Variants in DNAAF9 observed in about 807,000 individuals in gnomAD.
DNAAF9 encodes the protein shulin.
In DNAAF9, 90 loss-of-function variants were observed where a neutral mutation model predicts 167.0. That is an observed-to-expected ratio of 0.54 (90% CI 0.45 to 0.64). The LOEUF (loss-of-function observed/expected upper bound fraction) is 0.64. Ranked by LOEUF, DNAAF9 falls within the 30% of genes least tolerant of loss-of-function variation. The pLI is 0.00. For synonymous variants in DNAAF9, 491 were observed against 508.8 expected (o/e 0.96, Z 0.47); for missense variants, 1,315 against 1,442.2 (o/e 0.91, Z 1.43).
At chr20:3,350,374 T>C (rs963719723) in intron 7 of DNAAF9, among the ~76,000 whole-genome samples, 4 of 152,052 alleles carry the variant, frequency 2.6e-5, no homozygotes, top group African/African-American at 4.8e-5. Flanking sequence ...TTTCTGAGTA[T>C]GTTTTATATA....
intron 26 of DNAAF9, among the ~76,000 whole-genome samples, chr20:3,288,158 G>T (rs1001921419): frequency 1.3e-5 from 2 of 152,206 alleles, no homozygotes; most frequent in African/African-American, 2.4e-5. Context: ...AATCAGAAAT[G>T]GGCAGGGTTG....
chr20:3,259,629 T>A (rs2068345395), intron 32 of DNAAF9, 75 bp from the exon 33 acceptor site: 1 of 1,030,062 alleles, frequency 9.7e-7, no homozygotes, highest in African/African-American at 1.6e-5. Context: ...AGCTGGGAGT[T>A]TTAGGGACTG....
chr20:3,255,926 G>T, intron 34 of DNAAF9, 80 bp downstream of exon 34: 1 of 1,044,338 alleles, frequency 9.6e-7, no homozygotes, highest in Non-Finnish European at 1.4e-6. Flanking sequence ...GGAGGCAGTG[G>T]CGGGGCTTCT....
At chr20:3,400,304 C>T (rs1337946898) in intron 1 of DNAAF9, among the ~76,000 whole-genome samples, 2 of 151,838 alleles carry the variant, frequency 1.3e-5, no homozygotes, top group South Asian at 2.1e-4. Flanking sequence ...GTGGAGAAAC[C>T]GAGAAAATTC....
chr20:3,316,741 G>C lies in DNAAF9; in HGVS notation c.1521C>G (p.Pro507=), dbSNP rs1368712406. The change falls in exon 18 of 37, where the codon CCC becomes CCG. Residue 507 remains proline (P), a synonymous_variant. Coordinates refer to ENST00000252032, the MANE Select transcript of DNAAF9 (RefSeq NM_001009984.3). ...TSSVVLTAAV[P]RFCSWLVEDN... ...CACTAACCAGCCAGGAGCAGAATCT[G>C]GGTACAGCAGCAGTCAGGACTACGG... The C allele has an allele frequency of 6.2e-7, 1 of 1,613,346 alleles. No homozygotes were observed. Among genetic ancestry groups the C allele is most frequent in the Non-Finnish European group, 8.5e-7 (1 of 1,179,470 alleles).
At chr20:3,389,215 G>C (rs910757573) in intron 1 of DNAAF9, among the ~76,000 whole-genome samples, 1 of 151,860 alleles carries the variant, frequency 6.6e-6, no homozygotes, top group African/African-American at 2.4e-5. Flanking sequence ...GCTTGATCAC[G>C]ACTCACTGCA....
At chr20:3,401,177 C>A (rs1291472588) in intron 1 of DNAAF9, among the ~76,000 whole-genome samples, 1 of 152,130 alleles carries the variant, frequency 6.6e-6, no homozygotes, top group Non-Finnish European at 1.5e-5. Flanking sequence ...AAAGTGCTTT[C>A]TCTAGAGTAT....
intron 12 of DNAAF9, among the ~76,000 whole-genome samples, chr20:3,327,660 T>C (rs1218833627): frequency 1.3e-5 from 2 of 152,226 alleles, no homozygotes; most frequent in Non-Finnish European, 2.9e-5. Flanking sequence ...TCTCATCTTA[T>C]AGAAGAAGCA....
chr20:3,270,511 G>A lies in DNAAF9; in HGVS notation c.2702C>T (p.Pro901Leu), dbSNP rs778129089. 2 of 1,612,570 alleles carry A rather than the reference G, an allele frequency of 1.2e-6. No individual in the cohort carries two copies. Among genetic ancestry groups the A allele is most frequent in the East Asian group, 2.2e-5 (1 of 44,866 alleles). The change falls in exon 30 of 37, where the codon CCT becomes CTT. Residue 901 changes from proline (P) to leucine (L), a missense_variant. Pro to Leu is a moderately conservative substitution (Grantham distance 98). Around this residue, in one of 2 missense-constraint regions of DNAAF9, gnomAD observed 334 missense variants for 429.7 expected, o/e 0.78. Coordinates refer to ENST00000252032, the MANE Select transcript of DNAAF9 (RefSeq NM_001009984.3). The part of the protein sequence containing the change: ...FTSHTTEQRH[P>L]LLVQLQSLIR... ...GAGGCTCTGCAGCTGAACAAGGAGA[G>A]GGTGCCGCTGCTCCGTGGTGTGACT...
chr20:3,314,461 A>G (rs533715264), intron 20 of DNAAF9, among the ~76,000 whole-genome samples: 1 of 152,312 alleles, frequency 6.6e-6, no homozygotes, highest in African/African-American at 2.4e-5. Flanking sequence ...AGGAGCTGAG[A>G]GGATCCCTGT....
chr20:3,274,765 T>C (rs1009771695), intron 29 of DNAAF9, among the ~76,000 whole-genome samples: 2 of 152,192 alleles, frequency 1.3e-5, no homozygotes, highest in East Asian at 1.9e-4. Flanking sequence ...GCCTGAGAAT[T>C]AGACTTCTCC....
chr20:3,376,342 A>G (rs2123228716), intron 3 of DNAAF9, 40 bp from the exon 4 acceptor site: 2 of 1,528,558 alleles, frequency 1.3e-6, no homozygotes, highest in South Asian at 2.4e-5. Flanking sequence ...ACTGTCAAAC[A>G]CATTTCTTTT....
chr20:3,344,634 CACACA>C, intron 8 of DNAAF9, among the ~76,000 whole-genome samples: 1 of 113,858 alleles, frequency 8.8e-6, no homozygotes, highest in Non-Finnish European at 1.9e-5. Context: ...CACACACACA[CACACA>C]CCTCATGTAG....
chr20:3,358,306 T>C (rs6051784), intron 7 of DNAAF9, among the ~76,000 whole-genome samples: 29,252 of 151,876 alleles, frequency 0.19, 3,052 homozygotes, highest in African/African-American at 0.24. Flanking sequence ...TTTTTTTAGA[T>C]GGAGTCTTGC....
intron 7 of DNAAF9, among the ~76,000 whole-genome samples, chr20:3,354,276 G>T (rs2083256613): frequency 6.6e-6 from 1 of 152,222 alleles, no homozygotes; most frequent in South Asian, 2.1e-4. Context: ...TGTGGAAATG[G>T]ATACTGTTGT....
intron 21 of DNAAF9, among the ~76,000 whole-genome samples, chr20:3,300,431 T>C (rs1402143217): frequency 6.6e-6 from 1 of 151,994 alleles, no homozygotes; most frequent in Non-Finnish European, 1.5e-5. Flanking sequence ...TTTACTCTTT[T>C]TGATGCTAAT....
intron 16 of DNAAF9, among the ~76,000 whole-genome samples, chr20:3,319,037 C>T (rs6139072): frequency 0.17 from 24,230 of 139,894 alleles, 2,164 homozygotes; most frequent in Non-Finnish European, 0.19. Flanking sequence ...GAGCTGAGAT[C>T]GCGCCACTGA....
chr20:3,321,677 T>C (rs1019524581), intron 16 of DNAAF9, among the ~76,000 whole-genome samples: 6 of 152,160 alleles, frequency 3.9e-5, no homozygotes, highest in African/African-American at 1.4e-4. Context: ...CAAGTGATCC[T>C]CCTGCCTCAG....
At chr20:3,327,304 T>C (rs2069728194) in intron 12 of DNAAF9, among the ~76,000 whole-genome samples, 1 of 152,104 alleles carries the variant, frequency 6.6e-6, no homozygotes, top group Non-Finnish European at 1.5e-5. Context: ...CCACTAGATG[T>C]TGGTAGCATT....
Sources: gnomAD v4.1 joint callset for allele counts (sites outside exome capture counted in the v4.1 genomes callset) on GRCh38, gnomAD v4.1.1 for gene constraint, gnomAD v4.1.1 regional missense constraint, MANE v1.5 for transcripts, NCBI Gene and HGNC (gene_info 2026-07-23, HGNC 2026-07-21) for gene names.